Variants in CCDC57 observed in about 807,000 individuals in gnomAD.
CCDC57 encodes coiled-coil domain containing 57.
Under a neutral mutation model 118.9 loss-of-function variants are expected in CCDC57, and 118 were observed. The observed-to-expected ratio is 0.99, with a 90% CI of 0.86 to 1.16. The LOEUF (loss-of-function observed/expected upper bound fraction) is 1.16. Among genes scored for constraint, CCDC57 ranks in the 50% most tolerant of loss-of-function variants. The pLI is 0.00. For missense variants in CCDC57, 1,300 were observed against 1,320.7 expected, an observed-to-expected ratio of 0.98 and a Z score of 0.24; for synonymous variants, 527 against 532.9, an observed-to-expected ratio of 0.99 and a Z score of 0.15.
intron 16 of CCDC57, among the ~76,000 whole-genome samples, chr17:82,150,896 C>T (rs2041894998): frequency 2.0e-5 from 2 of 99,234 alleles, no homozygotes; most frequent in African/African-American, 7.4e-5. Context: ...ACCTGACCCA[C>T]ACCCAGAACC....
chr17:82,129,171 G>C (rs771083744), intron 17 of CCDC57, among the ~76,000 whole-genome samples: 6 of 152,096 alleles, frequency 3.9e-5, no homozygotes, highest in African/African-American at 9.7e-5. Context: ...CGCCTGCCTT[G>C]GCCTCCCAAA....
intron 16 of CCDC57, among the ~76,000 whole-genome samples, chr17:82,149,980 C>A (rs1441991248): frequency 6.7e-6 from 1 of 149,926 alleles, no homozygotes; most frequent in East Asian, 2.0e-4. Flanking sequence ...CTGACCCGCA[C>A]CCAGAACCAG....
intron 16 of CCDC57, among the ~76,000 whole-genome samples, chr17:82,140,971 CTTTTA>C (rs1274695258): frequency 8.6e-6 from 1 of 116,312 alleles, no homozygotes; most frequent in East Asian, 8.9e-4. Context: ...AAGCAAGAGG[CTTTTA>C]TTTATTTTAT....
chr17:82,165,616 A>C (rs1433039819), intron 13 of CCDC57, among the ~76,000 whole-genome samples: 1 of 152,146 alleles, frequency 6.6e-6, no homozygotes, highest in African/African-American at 2.4e-5. Flanking sequence ...CCTGCTGTGG[A>C]CAAAGGCCAG....
intron 16 of CCDC57, among the ~76,000 whole-genome samples, chr17:82,138,336 G>C (rs575715810): frequency 6.6e-6 from 1 of 150,808 alleles, no homozygotes; most frequent in South Asian, 2.1e-4. Flanking sequence ...TTTTAGTAGA[G>C]ACAGGGTTTC....
intron 13 of CCDC57, among the ~76,000 whole-genome samples, chr17:82,166,075 A>G (rs1366990737): frequency 1.3e-5 from 2 of 152,150 alleles, no homozygotes; most frequent in East Asian, 3.8e-4. Context: ...ACTTGAGCCA[A>G]GGAGTTTTGA....
In CCDC57 at chr17:82,192,174, G is replaced by A. The variant is rs958379750; in HGVS notation, c.851+1582C>T. ...CTAATTTTGTATTTTTCGTAGAGAC[G>A]GGGTTTCACCATGTTGGTCAGGCTG... On this transcript the variant is annotated intron_variant, in intron 7 of 19. Coordinates refer to ENST00000665763, the Ensembl canonical transcript of CCDC57. The surrounding 1 kb of genome is among the most constrained non-coding windows in gnomAD (Gnocchi z 4.0). Among the ~76,000 whole-genome samples, 6 of 151,888 alleles carry A rather than the reference G, an allele frequency of 4.0e-5. No individual in the cohort carries two copies. Among genetic ancestry groups the A allele is most frequent in the South Asian group, 2.1e-4 (1 of 4,824 alleles).
intron 9 of CCDC57, among the ~76,000 whole-genome samples, chr17:82,182,761 C>T (rs1175230634): frequency 6.6e-6 from 1 of 152,106 alleles, no homozygotes; most frequent in South Asian, 2.1e-4. Context: ...TCTGGGCTCA[C>T]CAAAACCTCC....
intron 1 of CCDC57, among the ~76,000 whole-genome samples, chr17:82,210,519 A>C (rs887737477): frequency 4.9e-5 from 7 of 143,548 alleles, no homozygotes; most frequent in South Asian, 2.2e-4. Context: ...TAAAAATACA[A>C]AAAAAAAAAA....
rs369266856 is a variant in CCDC57 at position 82,198,393 on chromosome 17, C to T, written c.437G>A (p.Arg146Gln). ...CCATTTTAGATTTTCATACTGTTCC[C>T]GGTGGTGGTCAATCTCACCATTCTT... Residue 146 changes from arginine to glutamine, a missense_variant, in exon 4 of 20, where the codon CGG becomes CAG. Physicochemically the swap from Arg to Gln is conservative, Grantham distance 43 (BLOSUM62 1). Coordinates refer to ENST00000665763, the Ensembl canonical transcript of CCDC57. 7.1e-5 allele frequency: 115 copies of T among 1,612,360 alleles called. No individual in the cohort carries two copies. Among genetic ancestry groups the T allele is most frequent in the Non-Finnish European group, 8.7e-5 (102 of 1,178,990 alleles).
At chr17:82,112,267 C>G (rs115846273) in intron 19 of CCDC57, 1,538 of 152,488 alleles carry the variant, frequency 0.01, 33 homozygotes, top group African/African-American at 0.036. Context: ...AGCCGCCATG[C>G]CAGGCCTTGG....
rs1237399387 is a variant in CCDC57, at chr17:82,116,093, G to A, written c.2899+11599C>T. ...ATTACAGGCGTGAGCCACCGCGCCC[G>A]GCCACAACCTTTTTTTTTTTTTTTT... On this transcript the variant is annotated intron_variant, in intron 19 of 19. Coordinates refer to ENST00000665763, the Ensembl canonical transcript of CCDC57. Among the ~76,000 whole-genome samples the A allele has an allele frequency of 6.5e-5, 9 of 139,312 alleles. No individual in the cohort carries two copies. In the South Asian group the frequency reaches 2.0e-3, roughly 32 times the overall value. 91.4% of individuals were successfully genotyped at this position (139,312 alleles called of 152,430 possible).
At position 82,118,033 on chromosome 17, in the gene CCDC57, A is replaced by G. The variant is rs2036153483; in HGVS notation, c.2899+9659T>C. Among the ~76,000 whole-genome samples the G allele has an allele frequency of 6.6e-6, 1 of 152,232 alleles. No homozygotes were observed. Among genetic ancestry groups the G allele is most frequent in the Non-Finnish European group, 1.5e-5 (1 of 68,038 alleles). ...TCAGACACCAAAACAAAGGGAGGTG[A>G]GCCGATGCGGCGGCTCACAAAACTA... is the stretch of plus-strand genomic sequence containing the variant. On this transcript the variant is annotated intron_variant, in intron 19 of 19. Transcript: ENST00000665763. This position sits in a 1 kb window ranked among gnomAD's most constrained non-coding sequence, Gnocchi z 4.7.
intron 5 of CCDC57, among the ~76,000 whole-genome samples, chr17:82,195,033 T>C (rs1391257582): frequency 6.6e-6 from 1 of 152,272 alleles, no homozygotes; most frequent in Non-Finnish European, 1.5e-5. Flanking sequence ...ACACAGCAGA[T>C]GCAGGCGGAG....
chr17:82,127,758 T>C (rs1458759793), exon 19 of CCDC57: 2 of 1,611,914 alleles, frequency 1.2e-6, no homozygotes, highest in South Asian at 1.1e-5. Context: ...AACCTCCACA[T>C]GTCCTGGAGG....
At chr17:82,105,301 G>C (rs1435087445) in intron 19 of CCDC57, among the ~76,000 whole-genome samples, 1 of 152,176 alleles carries the variant, frequency 6.6e-6, no homozygotes, top group African/African-American at 2.4e-5. Flanking sequence ...AAGGGCCCTT[G>C]TTCTGCTGAA....
rs528812171 is a variant in CCDC57 at position 82,172,885 on chromosome 17, T to C, written c.1507-25A>G. 15 of 1,585,376 alleles carry C rather than the reference T, an allele frequency of 9.5e-6. No individual in the cohort carries two copies. The highest frequency in any genetic ancestry group is 9.0e-5 in the East Asian group (4 of 44,290). On this transcript the variant is annotated intron_variant, in intron 11 of 19. Coordinates refer to ENST00000665763, the Ensembl canonical transcript of CCDC57. This position sits in a 1 kb window ranked among gnomAD's most constrained non-coding sequence, Gnocchi z 5.2. ...TCTGTCAAATACAAGGAAAAATGGC[T>C]ACAAAAAGATGAATGGTTCCCCAGC...
chr17:82,189,809 C>T (rs902000306), intron 7 of CCDC57, among the ~76,000 whole-genome samples: 1 of 152,094 alleles, frequency 6.6e-6, no homozygotes, highest in African/African-American at 2.4e-5. Context: ...CCCGAGATCG[C>T]ACCACCAGCC....
At chr17:82,128,419 G>A in intron 18 of CCDC57, 74 bp downstream of exon 17, 1 of 1,050,408 alleles carries the variant, frequency 9.5e-7, no homozygotes, top group Non-Finnish European at 1.4e-6. Context: ...GAGAGGCCCA[G>A]AGCACCCAGG....
Sources: allele counts gnomAD v4.1 joint callset (sites outside exome capture counted in the v4.1 genomes callset), GRCh38; gene constraint gnomAD v4.1.1; non-coding constraint Gnocchi (gnomAD v3.1); transcripts MANE v1.5; gene names NCBI Gene and HGNC (gene_info 2026-07-23, HGNC 2026-07-21).